The following COL12A1 variants were observed in gnomAD, a reference collection of about 807,000 sequenced individuals.
COL12A1 encodes collagen type XII alpha 1 chain, also known as collagen alpha-1(XII) chain.
COL12A1 carries 114 observed loss-of-function variants against 349.7 expected under a neutral mutation model. That is an observed-to-expected ratio of 0.33 (90% CI 0.28 to 0.38). The LOEUF (loss-of-function observed/expected upper bound fraction) is 0.38, where lower values mean the gene tolerates loss of function less well. Among genes scored for constraint, COL12A1 ranks in the 10% least tolerant of loss-of-function variants. The pLI, the probability that COL12A1 is intolerant of heterozygous loss-of-function variation, is 1.00. For missense variants in COL12A1, 3,284 were observed against 3,756.9 expected (o/e 0.87, Z 3.29); for synonymous variants, 1,369 against 1,329.0 (o/e 1.03, Z -0.66).
chr6:75,158,660 T>G (rs1767878197), intron 14 of COL12A1, among the ~76,000 whole-genome samples: 1 of 152,066 alleles, frequency 6.6e-6, no homozygotes, highest in Non-Finnish European at 1.5e-5. Context: ...AGGAGAAAGA[T>G]TAAGCATTTT....
At chr6:75,105,095 C>T (rs1277683818) in intron 54 of COL12A1, 111 bp downstream of exon 54, 3 of 833,650 alleles carry the variant, frequency 3.6e-6, no homozygotes, top group Non-Finnish European at 5.6e-6. Context: ...CTTGCTCTAT[C>T]CTAGAAAACC....
chr6:75,099,719 G>C (rs1263564364), intron 58 of COL12A1, among the ~76,000 whole-genome samples: 1 of 152,168 alleles, frequency 6.6e-6, no homozygotes, highest in Non-Finnish European at 1.5e-5. Context: ...CATTTTCATA[G>C]ATACACATGT....
At chr6:75,135,567 G>A (rs113988140) in intron 31 of COL12A1, among the ~76,000 whole-genome samples, 176 of 152,264 alleles carry the variant, frequency 1.2e-3, no homozygotes, top group African/African-American at 3.8e-3. Context: ...ACAGTCTACC[G>A]AATTCAGATG....
chr6:75,131,275 C>CA (rs1562181981), intron 35 of COL12A1, among the ~76,000 whole-genome samples: 1 of 152,008 alleles, frequency 6.6e-6, no homozygotes, highest in Admixed American at 6.6e-5. Context: ...GATATTTCCC[C>CA]AAAAAACATC....
chr6:75,112,555 AATTG>A (rs1768890377), intron 51 of COL12A1, among the ~76,000 whole-genome samples: 1 of 151,666 alleles, frequency 6.6e-6, no homozygotes, highest in Non-Finnish European at 1.5e-5. Context: ...ACATACAGAA[AATTG>A]ATTAAGATGA....
intron 14 of COL12A1, among the ~76,000 whole-genome samples, chr6:75,162,120 T>C (rs1005263408): frequency 9.2e-5 from 14 of 152,154 alleles, no homozygotes; most frequent in African/African-American, 2.9e-4. Flanking sequence ...CAAGCTACCA[T>C]TGACTTTCTT....
chr6:75,161,285 T>A (rs985642513), intron 14 of COL12A1, among the ~76,000 whole-genome samples: 1 of 152,232 alleles, frequency 6.6e-6, no homozygotes, highest in Non-Finnish European at 1.5e-5. Context: ...TGAGAACTTG[T>A]TAACTTTAAA....
chr6:75,151,900 G>C lies in COL12A1; in HGVS notation c.3967C>G (p.Leu1323Val), dbSNP rs759722280. 20 of 1,613,608 alleles carry C rather than the reference G, an allele frequency of 1.2e-5. No homozygotes were observed. Among genetic ancestry groups the C allele is most frequent in the Non-Finnish European group, 1.7e-5 (20 of 1,179,794 alleles). ...AACAGCTCCACTCCCTCATCCTTGA[G>C]TTTCTTTGAAGGTGCTTCAACATCG... is the stretch of plus-strand genomic sequence containing the variant. ...QDDVEAPSKKLKDEGVELFAI... is the reference protein window; with the variant it reads ...QDDVEAPSKKVKDEGVELFAI... Residue 1323 changes from leucine to valine, a missense_variant, in exon 20 of 66, where the codon CTC (leucine) becomes GTC (valine). Physicochemically the swap from Leu to Val is conservative, Grantham distance 32. Coordinates refer to ENST00000322507, the MANE Select transcript of COL12A1 (RefSeq NM_004370.6).
chr6:75,127,820 C>T (rs1398662947), intron 38 of COL12A1, among the ~76,000 whole-genome samples: 2 of 152,042 alleles, frequency 1.3e-5, no homozygotes, highest in Non-Finnish European at 2.9e-5. Context: ...TTGCTTAGTA[C>T]AATAAAAAAT....
rs1263249697 is a variant in COL12A1, at chr6:75,126,483, A to G, written c.6341-13T>C. The G allele has an allele frequency of 2.5e-6, 4 of 1,607,076 alleles. No individual in the cohort carries two copies. In the East Asian group the frequency reaches 9.0e-5, roughly 36 times the overall value. Reference sequence around the variant, plus strand: ...GGAAGGAGTCCCACTGAAAACAAACATTGACACACATTACTGACCTTTTAT... The same window carrying G: ...GGAAGGAGTCCCACTGAAAACAAACGTTGACACACATTACTGACCTTTTAT... On this transcript the variant is annotated splice_polypyrimidine_tract_variant and intron_variant, in intron 38 of 65. Transcript: ENST00000322507.
chr6:75,192,186 ATATTT>A lies in COL12A1; in HGVS notation c.334+21_334+25del, dbSNP rs750619414. The stretch of plus-strand genomic sequence containing the variant: ...CTTCTGCAAAATAAAAATTATACAA[ATATTT>A]TATTTTATATGTGTGCTTACTTGTT... On this transcript the variant is annotated intron_variant, in intron 4 of 65. Transcript: ENST00000322507. 3.8e-5 allele frequency: 55 copies of A among 1,435,374 alleles called. No homozygotes were observed. The East Asian group carries it at 1.3e-3, about 34-fold the overall frequency. The allele number at this position is 1,435,374 out of a possible 1,614,324, so 88.9% of individuals were successfully genotyped here.
intron 14 of COL12A1, among the ~76,000 whole-genome samples, chr6:75,162,118 C>T (rs1214688881): frequency 6.6e-6 from 1 of 152,136 alleles, no homozygotes; most frequent in African/African-American, 2.4e-5. Flanking sequence ...ATCAAGCTAC[C>T]ATTGACTTTC....
chr6:75,186,429 C>G (rs1303086999), intron 8 of COL12A1, among the ~76,000 whole-genome samples: 1 of 152,158 alleles, frequency 6.6e-6, no homozygotes, highest in Non-Finnish European at 1.5e-5. Context: ...CACCATCTCA[C>G]ACCAGTCAGA....
intron 53 of COL12A1, among the ~76,000 whole-genome samples, chr6:75,105,711 C>CCTA (rs1562122600): frequency 6.6e-6 from 1 of 152,286 alleles, no homozygotes; most frequent in East Asian, 1.9e-4. Flanking sequence ...GCTGCTACTA[C>CCTA]CTACCATCAC....
chr6:75,203,465 A>G (rs970494216), intron 1 of COL12A1, among the ~76,000 whole-genome samples: 5 of 152,234 alleles, frequency 3.3e-5, no homozygotes, highest in Non-Finnish European at 5.9e-5. Flanking sequence ...TCCAAAATAC[A>G]TAATAACAAA....
chr6:75,134,787 G>C lies in COL12A1; in HGVS notation c.5463C>G (p.Ile1821Met). ...QKLKPDTPYT[I>M]TVSSLYPDGE... ...CATCAGGATACAGAGAGGATACGGT[G>C]ATAGTGTAAGGAGTGTCTGGCTTCA... is the stretch of plus-strand genomic sequence containing the variant. The change falls in exon 32 of 66, where the codon ATC becomes ATG. Residue 1821 changes from isoleucine to methionine, a missense_variant. Transcript: ENST00000322507. The C allele has an allele frequency of 6.2e-7, 1 of 1,613,352 alleles. No homozygotes were observed. Among genetic ancestry groups the C allele is most frequent in the South Asian group, 1.1e-5 (1 of 90,974 alleles).
Position 75,092,944 on chromosome 6 carries a change from G to A in COL12A1, c.8650-1419C>T, listed in dbSNP as rs1331296948. ...TGTTGGATGTTCCTTTCACATGTCA[G>A]TCTCGTTCCTCAGCCAAGGCTTTCA... On this transcript the variant is annotated intron_variant, in intron 60 of 65. Transcript: ENST00000322507. Among the ~76,000 whole-genome samples, 6 of 152,106 alleles carry A rather than the reference G, an allele frequency of 3.9e-5. No individual in the cohort carries two copies. In the East Asian group the frequency reaches 1.2e-3, roughly 29 times the overall value.
rs770828903 is a variant in COL12A1, at chr6:75,113,589, T to C, written c.7840+13A>G. 2 of 1,597,422 alleles carry C rather than the reference T, an allele frequency of 1.3e-6. No homozygotes were observed. The highest frequency in any genetic ancestry group is 2.2e-5 in the East Asian group (1 of 44,688). ...AACTAAGTATGCATGTGCCTTAAGA[T>C]AAAAATTCTTACGATCTGCAATCAC... On this transcript the variant is annotated intron_variant, in intron 50 of 65. Coordinates refer to ENST00000322507, the MANE Select transcript of COL12A1 (RefSeq NM_004370.6).
chr6:75,197,612 C>G (rs1053807955), intron 2 of COL12A1, among the ~76,000 whole-genome samples: 1 of 151,986 alleles, frequency 6.6e-6, no homozygotes, highest in East Asian at 1.9e-4. Flanking sequence ...GTGCCCAGCC[C>G]GGAAATTTTC....
Sources: gnomAD v4.1 joint callset for allele counts (sites outside exome capture counted in the v4.1 genomes callset) on GRCh38, gnomAD v4.1.1 for gene constraint, MANE v1.5 for transcripts, NCBI Gene and HGNC (gene_info 2026-07-23, HGNC 2026-07-21) for gene names.